Variants in C7 observed in about 807,000 individuals in gnomAD.
C7 encodes complement C7.
In C7, 83 loss-of-function variants were observed where a neutral mutation model predicts 104.8. The ratio of observed to expected loss-of-function variants is 0.79; its 90% CI spans 0.66 to 0.95. The LOEUF is 0.95. C7 is among the 40% of genes least tolerant of loss of function. The pLI, the probability that C7 is intolerant of heterozygous loss-of-function variation, is 0.00. For missense variants in C7, 1,070 were observed against 1,011.2 expected (o/e 1.06, Z -0.79); for synonymous variants, 415 against 360.6 (o/e 1.15, Z -1.71).
chr5:40,965,626 T>A (rs1028986482), intron 14 of C7, among the ~76,000 whole-genome samples: 1 of 117,466 alleles, frequency 8.5e-6, no homozygotes, highest in Non-Finnish European at 1.7e-5. Flanking sequence ...GAGTGTATAG[T>A]GATATATATA....
Position 40,972,614 on chromosome 5 carries a change from A to G in C7, c.2074+20A>G, listed in dbSNP as rs1372406324. On this transcript the variant is annotated intron_variant, in intron 15 of 17. Coordinates refer to ENST00000313164, the MANE Select transcript of C7 (RefSeq NM_000587.4). ...AAAAAGGTGAGTGGCTTCCATGTCT[A>G]TCCAAGGACACTTGTACCCAGGCAA... The G allele has an allele frequency of 1.9e-6, 3 of 1,568,424 alleles. No homozygotes were observed. The highest frequency in any genetic ancestry group is 2.7e-5 in the African/African-American group (2 of 73,862).
rs148508724 is a variant in C7 at position 40,979,827 on chromosome 5, C to G, written c.2268C>G (p.Thr756=). The G allele has an allele frequency of 1.3e-4, 209 of 1,613,442 alleles. 1 individual carries two copies. The East Asian group carries it at 4.4e-3, about 34-fold the overall frequency. The change falls in exon 17 of 18, where the codon ACC becomes ACG. Residue 756 remains threonine (T), a synonymous_variant. Coordinates refer to ENST00000313164, the MANE Select transcript of C7 (RefSeq NM_000587.4). ...HVLHCQGRNY[T]LTGRDSCTLP... ...TCCACTGTCAGGGTAGAAATTACAC[C>G]CTTACTGGTAGGGACAGCTGTACTC...
chr5:40,966,864 C>G (rs1740566358), intron 14 of C7, among the ~76,000 whole-genome samples: 1 of 149,400 alleles, frequency 6.7e-6, no homozygotes, highest in Admixed American at 6.7e-5. Flanking sequence ...ACTTATTAAT[C>G]TCTCTCTCTC....
At chr5:40,934,262 A>T in intron 3 of C7, 63 bp from the exon 4 acceptor site, 2 of 1,412,250 alleles carry the variant, frequency 1.4e-6, no homozygotes, top group South Asian at 1.8e-5. Context: ...AGATAAAGGA[A>T]ACTAGAGATT....
At chr5:40,961,763 T>G (rs1740427234) in intron 12 of C7, among the ~76,000 whole-genome samples, 1 of 152,220 alleles carries the variant, frequency 6.6e-6, no homozygotes, top group African/African-American at 2.4e-5. Context: ...AAAAATAGGT[T>G]TTGAAACAGG....
At chr5:40,934,259 G>A in intron 3 of C7, 66 bp from the exon 4 acceptor site, 1 of 1,392,292 alleles carries the variant, frequency 7.2e-7, no homozygotes, top group Non-Finnish European at 9.4e-7. Context: ...CTCAGATAAA[G>A]GAAACTAGAG....
At chr5:40,966,563 G>A (rs1740556455) in intron 14 of C7, among the ~76,000 whole-genome samples, 1 of 151,976 alleles carries the variant, frequency 6.6e-6, no homozygotes, top group Non-Finnish European at 1.5e-5. Flanking sequence ...ATTTTTAGTA[G>A]AGATGGGGTT....
chr5:40,979,246 C>T (rs956776857), intron 16 of C7, among the ~76,000 whole-genome samples: 4 of 152,072 alleles, frequency 2.6e-5, no homozygotes, highest in Non-Finnish European at 5.9e-5. Context: ...TTCATCTTCC[C>T]GTGATGATTT....
In C7 at chr5:40,949,926, G is replaced by T; in HGVS notation, c.1005G>T (p.Lys335Asn). Residue 335 changes from lysine (K) to asparagine (N), a missense_variant, in exon 9 of 18, where the codon AAG becomes AAT. Physicochemically the swap from Lys to Asn is moderately conservative, Grantham distance 94. Transcript: ENST00000313164. Reference sequence around the variant, plus strand: ...TAGATTTTAATTCAGTCGAAGAAAAGAAATGTAAATCCTCAGGTTGGCATT... The same window carrying T: ...TAGATTTTAATTCAGTCGAAGAAAATAAATGTAAATCCTCAGGTTGGCATT... ...KQNDFNSVEEKKCKSSGWHFV... is the reference protein window; with the variant it reads ...KQNDFNSVEENKCKSSGWHFV... The T allele has an allele frequency of 1.3e-6, 2 of 1,592,852 alleles. No homozygotes were observed. Among genetic ancestry groups the T allele is most frequent in the African/African-American group, 1.3e-5 (1 of 74,694 alleles).
intron 13 of C7, among the ~76,000 whole-genome samples, chr5:40,962,395 C>T (rs1194647974): frequency 1.3e-5 from 2 of 152,122 alleles, no homozygotes; most frequent in East Asian, 3.8e-4. Context: ...TGTGGGAAAT[C>T]AACACTGCCA....
intron 1 of C7, among the ~76,000 whole-genome samples, chr5:40,911,825 G>T (rs773990671): frequency 6.7e-6 from 1 of 149,116 alleles, no homozygotes; most frequent in Admixed American, 6.8e-5. Context: ...TCCAACTTCC[G>T]CCTCCTGGGT....
intron 14 of C7, among the ~76,000 whole-genome samples, chr5:40,969,947 A>G (rs1740657516): frequency 1.3e-5 from 2 of 151,240 alleles, no homozygotes; most frequent in Admixed American, 1.3e-4. Context: ...CAGTCTTTCT[A>G]TTTTTTTTGT....
At chr5:40,977,267 G>T (rs1740840562) in intron 16 of C7, among the ~76,000 whole-genome samples, 1 of 152,220 alleles carries the variant, frequency 6.6e-6, no homozygotes, top group Non-Finnish European at 1.5e-5. Flanking sequence ...GCATGGTTAA[G>T]AATGCCACCA....
rs1336825612 is a variant in C7 at position 40,936,393 on chromosome 5, C to T, written c.336C>T (p.Asp112=). Reference sequence around the variant, plus strand: ...ATGGGGATTCTGACTGTGATGAAGACAGTGCTGATGAAGACAGATGTGAGG... The same window carrying T: ...ATGGGGATTCTGACTGTGATGAAGATAGTGCTGATGAAGACAGATGTGAGG... The part of the protein sequence containing the change: ...VCNGDSDCDE[D]SADEDRCEDS... Residue 112 remains aspartate (D), a synonymous_variant, in exon 5 of 18, where the codon GAC becomes GAT. Transcript: ENST00000313164. 1.2e-6 allele frequency: 2 copies of T among 1,613,048 alleles called. No homozygotes were observed. The highest frequency in any genetic ancestry group is 1.3e-5 in the African/African-American group (1 of 74,868).
At chr5:40,975,050 A>G (rs1404678215) in intron 15 of C7, among the ~76,000 whole-genome samples, 4 of 152,198 alleles carry the variant, frequency 2.6e-5, no homozygotes, top group Non-Finnish European at 5.9e-5. Context: ...CTGGGGGACA[A>G]AACTGCCCCT....
chr5:40,976,646 A>T, intron 15 of C7, 104 bp from the exon 16 acceptor site: 2 of 649,040 alleles, frequency 3.1e-6, no homozygotes, highest in South Asian at 4.4e-5. Flanking sequence ...AATGCATTGC[A>T]GTTGGAGAAT....
intron 14 of C7, chr5:40,967,804 C>G: frequency 6.4e-6 from 1 of 157,066 alleles, no homozygotes; most frequent in East Asian, 1.9e-4. Context: ...TGACAGAGAC[C>G]TGCAGGCCCA....
chr5:40,969,098 G>T (rs1039980723), intron 14 of C7, among the ~76,000 whole-genome samples: 1 of 151,422 alleles, frequency 6.6e-6, no homozygotes, highest in Non-Finnish European at 1.5e-5. Context: ...CCATTAATGT[G>T]GTATATTTAT....
chr5:40,928,735 C>G, intron 2 of C7, 100 bp downstream of exon 2: 2 of 650,302 alleles, frequency 3.1e-6, no homozygotes, highest in Admixed American at 3.0e-5. Flanking sequence ...ATCTGTGTAT[C>G]CCTCCAACAT....
Sources: allele counts gnomAD v4.1 joint callset (sites outside exome capture counted in the v4.1 genomes callset), GRCh38; gene constraint gnomAD v4.1.1; transcripts MANE v1.5; gene names NCBI Gene and HGNC (gene_info 2026-07-23, HGNC 2026-07-21).